GFRAL: variants seen among roughly 807,000 people sequenced by gnomAD.
GFRAL encodes GDNF family receptor alpha like.
A neutral mutation model predicts 45.4 loss-of-function variants in GFRAL; 36 were observed. The ratio of observed to expected loss-of-function variants is 0.79; its 90% CI spans 0.61 to 1.05. GFRAL has a LOEUF of 1.05. Among genes scored for constraint, GFRAL ranks in the 50% least tolerant of loss-of-function variants. The pLI is 0.00. For missense variants in GFRAL, 507 were observed against 467.5 expected (o/e 1.08, Z -0.78); for synonymous variants, 166 against 154.1 (o/e 1.08, Z -0.57).
At chr6:55,366,241 G>C (rs1048204088) in intron 6 of GFRAL, among the ~76,000 whole-genome samples, 3 of 151,944 alleles carry the variant, frequency 2.0e-5, no homozygotes, top group African/African-American at 7.3e-5. Context: ...GGTGTTTGTA[G>C]TATTCTCTGA....
intron 6 of GFRAL, 49 bp downstream of exon 6, chr6:55,359,187 A>G: frequency 1.1e-6 from 1 of 943,290 alleles, no homozygotes; most frequent in Non-Finnish European, 1.5e-6. Flanking sequence ...TCTATCTATC[A>G]TCTATCTATC....
chr6:55,389,204 T>TA (rs1434674740), intron 6 of GFRAL, among the ~76,000 whole-genome samples: 2 of 152,186 alleles, frequency 1.3e-5, no homozygotes, highest in Non-Finnish European at 2.9e-5. Context: ...GTATTAAGCC[T>TA]AGTACCCATT....
chr6:55,359,015 G>T lies in GFRAL; in HGVS notation c.829G>T (p.Ala277Ser), dbSNP rs1662641129. The T allele has an allele frequency of 1.2e-6, 2 of 1,613,142 alleles. No homozygotes were observed. The highest frequency in any genetic ancestry group is 1.7e-6 in the Non-Finnish European group (2 of 1,179,422). The change falls in exon 6 of 9, where the codon GCT becomes TCT. Residue 277 changes from alanine to serine, a missense_variant. Physicochemically the swap from Ala to Ser is moderately conservative, Grantham distance 99. Transcript: ENST00000340465. ...TTGTTCAGGAAGTGATGACTGCAAAGCTGCTTACATAGATATCCTTGGGAC... is the reference window on the plus strand; with the variant it reads ...TTGTTCAGGAAGTGATGACTGCAAATCTGCTTACATAGATATCCTTGGGAC... ...LTCSGSDDCKAAYIDILGTVL... is the reference protein window; with the variant it reads ...LTCSGSDDCKSAYIDILGTVL...
chr6:55,369,445 A>G (rs1385923022), intron 6 of GFRAL, among the ~76,000 whole-genome samples: 4 of 152,276 alleles, frequency 2.6e-5, no homozygotes, highest in African/African-American at 9.6e-5. Context: ...AGCTGTTCCT[A>G]TTCGGCCATC....
intron 6 of GFRAL, among the ~76,000 whole-genome samples, chr6:55,379,592 CACACAA>C (rs200839667): frequency 0.033 from 3,990 of 122,124 alleles, 177 homozygotes; most frequent in African/African-American, 0.099. Flanking sequence ...CACACACACA[CACACAA>C]ACTGTGGAAT....
intron 6 of GFRAL, among the ~76,000 whole-genome samples, chr6:55,384,863 C>CAA (rs34292413): frequency 0.025 from 3,517 of 140,442 alleles, 84 homozygotes; most frequent in African/African-American, 0.061. Context: ...CAAAAAGCAG[C>CAA]AAAAAAAAAA....
intron 3 of GFRAL, among the ~76,000 whole-genome samples, chr6:55,343,155 C>T (rs567469788): frequency 6.6e-6 from 1 of 152,298 alleles, no homozygotes; most frequent in Admixed American, 6.5e-5. Context: ...AGGAATTGAA[C>T]TCAGCTCTGC....
chr6:55,369,057 A>C (rs1768410741), intron 6 of GFRAL, among the ~76,000 whole-genome samples: 2 of 151,080 alleles, frequency 1.3e-5, no homozygotes, highest in Non-Finnish European at 3.0e-5. Context: ...GCTGCCTTGC[A>C]GTTTGATCTC....
chr6:55,345,167 C>A (rs1220120723), intron 3 of GFRAL, among the ~76,000 whole-genome samples: 1 of 152,064 alleles, frequency 6.6e-6, no homozygotes, highest in African/African-American at 2.4e-5. Context: ...CCAATGACTT[C>A]CTTCACAGAA....
intron 6 of GFRAL, among the ~76,000 whole-genome samples, chr6:55,372,464 G>T (rs1000118749): frequency 1.3e-5 from 2 of 152,160 alleles, no homozygotes; most frequent in African/African-American, 2.4e-5. Context: ...CAGAATGGAA[G>T]TTTATTTCTT....
rs750354645 is a variant in GFRAL, at chr6:55,351,327, G to T, written c.445G>T (p.Ala149Ser). ...GGATGTGGTCTGTAATGCACAGTTGGCCTCTTACCTTAAAGCTTGCTCAGC... is the reference window on the plus strand; with the variant it reads ...GGATGTGGTCTGTAATGCACAGTTGTCCTCTTACCTTAAAGCTTGCTCAGC... ...VGDVVCNAQL[A>S]SYLKACSANG... The change falls in exon 5 of 9, where the codon GCC becomes TCC. Residue 149 changes from alanine (A) to serine (S), a missense_variant. Physicochemically the swap from Ala to Ser is moderately conservative, Grantham distance 99 (BLOSUM62 1). Transcript: ENST00000340465. 16 of 1,613,394 alleles carry T rather than the reference G, an allele frequency of 9.9e-6. No homozygotes were observed. The highest frequency in any genetic ancestry group is 1.2e-5 in the Non-Finnish European group (14 of 1,179,708).
chr6:55,339,367 C>T (rs1233418645), intron 3 of GFRAL, among the ~76,000 whole-genome samples: 1 of 151,690 alleles, frequency 6.6e-6, no homozygotes, highest in Non-Finnish European at 1.5e-5. Flanking sequence ...AAAAAATAGT[C>T]TAAAAATGTA....
intron 6 of GFRAL, among the ~76,000 whole-genome samples, chr6:55,393,652 AG>A (rs1768783660): frequency 6.6e-6 from 1 of 152,088 alleles, no homozygotes; most frequent in Non-Finnish European, 1.5e-5. Flanking sequence ...AGAAAGAGGA[AG>A]GAAGGAAAAG....
chr6:55,335,179 T>C (rs781618653), intron 3 of GFRAL, among the ~76,000 whole-genome samples: 1 of 152,206 alleles, frequency 6.6e-6, no homozygotes, highest in Non-Finnish European at 1.5e-5. Context: ...CATTCTAATA[T>C]ATAGTGGTAC....
intron 5 of GFRAL, among the ~76,000 whole-genome samples, chr6:55,355,779 A>G (rs1768182399): frequency 6.6e-6 from 1 of 151,914 alleles, no homozygotes; most frequent in African/African-American, 2.4e-5. Flanking sequence ...TGATGAAAGT[A>G]GGCATCCTTG....
Position 55,342,990 on chromosome 6 carries a change from A to G in GFRAL, c.317-7102A>G, listed in dbSNP as rs528798705. ...AAGAAGAGCTAACTATCCTAAATAT[A>G]TATGCACCCAATACAGGAGCACCCA... On this transcript the variant is annotated intron_variant, in intron 3 of 8. Transcript: ENST00000340465. 6.6e-5 allele frequency among the ~76,000 whole-genome samples: 10 copies of G among 152,318 alleles called. No homozygotes were observed. The East Asian group carries it at 1.7e-3, about 26-fold the overall frequency.
chr6:55,349,374 T>G lies in GFRAL; in HGVS notation c.317-718T>G, dbSNP rs146593800. ...AATTTTCATTTCAAAATGAAAATCT[T>G]ATCATCTGATTCCCCTGCCACTTTA... On this transcript the variant is annotated intron_variant, in intron 3 of 8. Transcript: ENST00000340465. 9.2e-5 allele frequency among the ~76,000 whole-genome samples: 14 copies of G among 152,208 alleles called. No homozygotes were observed. In the East Asian group the frequency reaches 2.7e-3, roughly 30 times the overall value.
intron 6 of GFRAL, among the ~76,000 whole-genome samples, chr6:55,396,509 C>G (rs1581762498): frequency 6.6e-6 from 1 of 151,982 alleles, no homozygotes; most frequent in African/African-American, 2.4e-5. Context: ...TAATAATCAT[C>G]TAATGTATAT....
chr6:55,397,707 G>A (rs1351137497), intron 6 of GFRAL, among the ~76,000 whole-genome samples: 2 of 151,950 alleles, frequency 1.3e-5, no homozygotes, highest in Admixed American at 6.6e-5. Context: ...ACTGATTATT[G>A]TTAACACAGT....
Sources: allele counts gnomAD v4.1 joint callset (sites outside exome capture counted in the v4.1 genomes callset), GRCh38; gene constraint gnomAD v4.1.1; transcripts MANE v1.5; gene names NCBI Gene and HGNC (gene_info 2026-07-23, HGNC 2026-07-21).